The following TACC1 variants were observed in gnomAD, a reference collection of about 807,000 sequenced individuals.
TACC1 encodes the protein transforming acidic coiled-coil containing protein 1.
In TACC1, 48 loss-of-function variants were observed where a neutral mutation model predicts 84.4. The observed-to-expected ratio is 0.57, with a 90% CI of 0.45 to 0.72. TACC1 has a LOEUF of 0.72. Among genes scored for constraint, TACC1 ranks in the 30% least tolerant of loss-of-function variants. TACC1 has a pLI of 0.00. For missense variants in TACC1, 920 were observed against 973.0 expected (o/e 0.95, Z 0.72); for synonymous variants, 372 against 376.3 (o/e 0.99, Z 0.13).
chr8:38,842,199 T>G, intron 9 of TACC1, 88 bp from the exon 10 acceptor site: 1 of 1,484,032 alleles, frequency 6.7e-7, no homozygotes, highest in African/African-American at 1.4e-5. Flanking sequence ...TCCCCGGCTG[T>G]GTCCCTACCA....
In TACC1 at chr8:38,851,926, A is replaced by G. The variant is rs1464847414; in HGVS notation, c.*3903A>G. 2.4e-5 allele frequency: 11 copies of G among 450,398 alleles called. No individual in the cohort carries two copies. Among genetic ancestry groups the G allele is most frequent in the Admixed American group, 1.2e-4 (5 of 42,190 alleles). 27.9% of individuals were successfully genotyped at this position (450,398 alleles called of 1,614,324 possible). A position where few individuals can be genotyped will look rare whatever the true frequency, so the allele number is the denominator to read the frequency against. ...AGTATTTCGAGGAGATATCTGTCCA[A>G]AAAGGTTTGACTGGCCTCCAGATTC... On this transcript the variant is annotated 3_prime_UTR_variant, in exon 13 of 13. Coordinates refer to ENST00000317827, the MANE Select transcript of TACC1 (RefSeq NM_006283.3).
intron 1 of TACC1, 73 bp downstream of exon 1, chr8:38,787,816 T>C (rs1021673870): frequency 7.4e-7 from 1 of 1,353,666 alleles, no homozygotes; most frequent in Admixed American, 3.3e-5. Flanking sequence ...TCTGTGTGCG[T>C]GTGTGTGGTC....
At chr8:38,846,858 T>G in intron 12 of TACC1, 39 bp downstream of exon 12, 1 of 1,609,146 alleles carries the variant, frequency 6.2e-7, no homozygotes, top group Non-Finnish European at 8.5e-7. Context: ...CACAGAGACG[T>G]TTGGTTTTCC....
rs942948734 is a variant in TACC1, at chr8:38,838,338, T to C, written c.1840-132T>C. 4.1e-5 allele frequency: 25 copies of C among 614,678 alleles called. No homozygotes were observed. The African/African-American group carries it at 4.1e-4, about 10-fold the overall frequency. The allele number at this position is 614,678 out of a possible 1,614,324, so 38.1% of individuals were successfully genotyped here. A position where few individuals can be genotyped will look rare whatever the true frequency, so the allele number is the denominator to read the frequency against. On this transcript the variant is annotated intron_variant, in intron 7 of 12. Coordinates refer to ENST00000317827, the MANE Select transcript of TACC1 (RefSeq NM_006283.3). ...CACTTTTCCAAATGGTTACAAACAT[T>C]TAATATTGAAGTTTATATTTCTAAT...
At chr8:38,752,535 CCTT>C (rs767681378) in intron 3 of TACC1, among the ~76,000 whole-genome samples, 11 of 151,984 alleles carry the variant, frequency 7.2e-5, no homozygotes, top group Non-Finnish European at 1.3e-4. Context: ...ACAAAAAAAA[CCTT>C]CTTGACCGAA....
upstream of TACC1, among the ~76,000 whole-genome samples, chr8:38,782,334 T>TA (rs1478805437): frequency 1.3e-5 from 2 of 152,182 alleles, no homozygotes; most frequent in Non-Finnish European, 2.9e-5. Context: ...TCCATGTCCC[T>TA]ACAAAGGATA....
At chr8:38,845,814 G>A (rs1832121794) in intron 11 of TACC1, among the ~76,000 whole-genome samples, 1 of 152,198 alleles carries the variant, frequency 6.6e-6, no homozygotes, top group Non-Finnish European at 1.5e-5. Context: ...GCCGCCCATT[G>A]GCACATGAGC....
At chr8:38,767,287 T>C (rs1812428636) in intron 3 of TACC1, among the ~76,000 whole-genome samples, 1 of 152,234 alleles carries the variant, frequency 6.6e-6, no homozygotes, top group Non-Finnish European at 1.5e-5. Context: ...CAGAAGGCCC[T>C]TGAACCTCTT....
At chr8:38,775,264 C>A (rs1330530016) in intron 3 of TACC1, among the ~76,000 whole-genome samples, 2 of 152,106 alleles carry the variant, frequency 1.3e-5, no homozygotes, top group Non-Finnish European at 2.9e-5. Context: ...CCTGAGTAAA[C>A]CTTCTTCCAA....
At chr8:38,752,420 C>T (rs1238562929) in intron 3 of TACC1, among the ~76,000 whole-genome samples, 1 of 152,036 alleles carries the variant, frequency 6.6e-6, no homozygotes, top group Non-Finnish European at 1.5e-5. Context: ...GCAGTGAGCA[C>T]AGATTGCACC....
At chr8:38,835,280 G>T (rs965298334) in intron 6 of TACC1, among the ~76,000 whole-genome samples, 2 of 151,800 alleles carry the variant, frequency 1.3e-5, no homozygotes, top group Non-Finnish European at 2.9e-5. Flanking sequence ...GTTTACTTCC[G>T]TAGGTAGGAG....
At chr8:38,749,432 C>T (rs1479763705) in intron 3 of TACC1, among the ~76,000 whole-genome samples, 1 of 152,156 alleles carries the variant, frequency 6.6e-6, no homozygotes, top group African/African-American at 2.4e-5. Context: ...AATTCTACAG[C>T]CAGATGAAGA....
chr8:38,783,516 G>A (rs544027224), upstream of TACC1, among the ~76,000 whole-genome samples: 9 of 151,310 alleles, frequency 5.9e-5, no homozygotes, highest in South Asian at 1.3e-3. Flanking sequence ...CTGCCTCCCC[G>A]GTTCAAGTGA....
In TACC1 at chr8:38,820,518, C is replaced by T. The variant is rs1826537379; in HGVS notation, c.1274C>T (p.Ser425Phe). ...YHFDPDNFDE[S>F]MDPFKPTTTL... ...TTTGACCCAGATAACTTTGACGAAT[C>T]CATGGATCCCTTTAAACCAACTACG... Residue 425 changes from serine (S) to phenylalanine (F), a missense_variant, in exon 3 of 13, where the codon TCC becomes TTC. Physicochemically the swap from Ser to Phe is radical, Grantham distance 155. This residue lies in a region of TACC1 where 762 missense variants were observed against 747.3 expected (regional missense o/e 1.02). Coordinates refer to ENST00000317827, the MANE Select transcript of TACC1 (RefSeq NM_006283.3). 5 of 1,614,218 alleles carry T rather than the reference C, an allele frequency of 3.1e-6. No homozygotes were observed. Among genetic ancestry groups the T allele is most frequent in the Non-Finnish European group, 3.4e-6 (4 of 1,180,044 alleles).
chr8:38,800,232 G>A (rs935530056), intron 2 of TACC1, among the ~76,000 whole-genome samples: 1 of 152,144 alleles, frequency 6.6e-6, no homozygotes, highest in Admixed American at 6.5e-5. Flanking sequence ...GAGCCTCCAT[G>A]TTCTTTTTTA....
intron 3 of TACC1, among the ~76,000 whole-genome samples, chr8:38,822,161 C>T (rs971294793): frequency 1.4e-5 from 2 of 148,004 alleles, no homozygotes; most frequent in African/African-American, 5.0e-5. Context: ...AGGAGGATTG[C>T]TTGAGCCCAG....
chr8:38,787,179 G>A, upstream of TACC1: 3 of 985,726 alleles, frequency 3.0e-6, no homozygotes, highest in Non-Finnish European at 3.6e-6. Flanking sequence ...CGAGGGGGCG[G>A]CTTCTGGGGC....
rs1817560597 is a variant in TACC1 at position 38,787,574 on chromosome 8, GC to G, written c.-7del. The G allele has an allele frequency of 6.5e-7, 1 of 1,536,374 alleles. No individual in the cohort carries two copies. Among genetic ancestry groups the G allele is most frequent in the Admixed American group, 2.1e-5 (1 of 48,684 alleles). On this transcript the variant is annotated 5_prime_UTR_variant, in exon 1 of 13. Transcript: ENST00000317827. ...GCCCCTAGGAGCTGGAGCCGGAGGA[GC>G]CGCGCTCATGGCGTTCAGCCCGTGG...
intron 1 of TACC1, among the ~76,000 whole-genome samples, chr8:38,730,353 T>A (rs973187318): frequency 1.3e-5 from 2 of 152,276 alleles, no homozygotes; most frequent in African/African-American, 4.8e-5. Flanking sequence ...ACATTACAAC[T>A]CGGCCTCTCT....
Sources: allele counts gnomAD v4.1 joint callset (sites outside exome capture counted in the v4.1 genomes callset), GRCh38; gene constraint gnomAD v4.1.1; regional missense constraint gnomAD v4.1.1; transcripts MANE v1.5; gene names NCBI Gene and HGNC (gene_info 2026-07-23, HGNC 2026-07-21).